The following ACSM2A variants were observed in gnomAD, a reference collection of about 807,000 sequenced individuals.
ACSM2A encodes the protein acyl-coenzyme A synthetase ACSM2A, mitochondrial.
In ACSM2A, 72 loss-of-function variants were observed where a neutral mutation model predicts 76.6. The observed-to-expected ratio is 0.94, with a 90% CI of 0.78 to 1.14. The LOEUF (loss-of-function observed/expected upper bound fraction) is 1.14. Among genes scored for constraint, ACSM2A ranks in the 50% most tolerant of loss-of-function variants. ACSM2A has a pLI of 0.00. For synonymous variants in ACSM2A, 249 were observed against 255.9 expected (o/e 0.97, Z 0.26); for missense variants, 684 against 708.5 (o/e 0.97, Z 0.39).
At chr16:20,481,135 G>C (rs1468627366) in intron 12 of ACSM2A, 1 of 610,834 alleles carries the variant, frequency 1.6e-6, no homozygotes, top group Non-Finnish European at 2.8e-6. Context: ...AGGGTTAAAT[G>C]TGCTAATATT....
intron 4 of ACSM2A, among the ~76,000 whole-genome samples, chr16:20,469,968 G>A (rs2013283695): frequency 6.7e-6 from 1 of 149,458 alleles, no homozygotes; most frequent in African/African-American, 2.5e-5. Flanking sequence ...ATGCCTCCCA[G>A]GATTGTCCTC....
chr16:20,460,083 C>T (rs778837499), intron 1 of ACSM2A, 24 bp from the exon 2 acceptor site: 37 of 1,588,558 alleles, frequency 2.3e-5, no homozygotes, highest in Non-Finnish European at 3.2e-5. Flanking sequence ...AAGCTCTCAC[C>T]TGTGTCTCTT....
chr16:20,481,022 A>G (rs2014053809), intron 12 of ACSM2A, 101 bp downstream of exon 12: 1 of 1,389,734 alleles, frequency 7.2e-7, no homozygotes, highest in Admixed American at 2.1e-5. Flanking sequence ...ACACTCTGAG[A>G]CCCAATCTTG....
In ACSM2A at chr16:20,469,642, A is replaced by C. The variant is rs757938208; in HGVS notation, c.519A>C (p.Glu173Asp). 2.8e-5 allele frequency: 45 copies of C among 1,613,766 alleles called. No individual in the cohort carries two copies. The Admixed American group carries it at 7.5e-4, about 27-fold the overall frequency. ...AAGAAGTGGACACAGTGGCATCTGA[A>C]TGTCCTTCTCTGAGAATTAAGCTAC... The part of the protein sequence containing the change: ...VIQEVDTVAS[E>D]CPSLRIKLLV... The change falls in exon 4 of 14, where the codon GAA becomes GAC. Residue 173 changes from glutamate to aspartate, a missense_variant. Glu to Asp is a conservative substitution (Grantham distance 45, BLOSUM62 2). Transcript: ENST00000573854.
intron 5 of ACSM2A, 61 bp downstream of exon 5, chr16:20,471,277 G>A (rs2013376774): frequency 6.3e-7 from 1 of 1,580,392 alleles, no homozygotes; most frequent in South Asian, 1.2e-5. Flanking sequence ...GAAGGAGAAT[G>A]AGACCCAATT....
chr16:20,466,851 A>T (rs1380666982), intron 3 of ACSM2A, among the ~76,000 whole-genome samples: 1 of 152,140 alleles, frequency 6.6e-6, no homozygotes, highest in South Asian at 2.1e-4. Flanking sequence ...AAATCTTGTG[A>T]CCTCTGGCTC....
Position 20,465,660 on chromosome 16 carries a change from T to C in ACSM2A, c.321T>C (p.Asp107=). 6.2e-7 allele frequency: 1 copy of C among 1,613,970 alleles called. No homozygotes were observed. Among genetic ancestry groups the C allele is most frequent in the Non-Finnish European group, 8.5e-7 (1 of 1,179,856 alleles). Residue 107 remains aspartate, a synonymous_variant, in exon 3 of 14, where the codon GAT becomes GAC. Transcript: ENST00000573854. The stretch of plus-strand genomic sequence containing the variant: ...GAGCCTGTGGCCTGCAGCGTGGGGA[T>C]CGTGTGGCAGTGGTGCTGCCCCGAG... The part of the protein sequence containing the change: ...LSGACGLQRG[D]RVAVVLPRVP...
intron 1 of ACSM2A, among the ~76,000 whole-genome samples, chr16:20,458,531 A>G (rs1347251182): frequency 4.1e-5 from 6 of 145,344 alleles, no homozygotes; most frequent in Non-Finnish European, 9.0e-5. Context: ...TGTGTTATAT[A>G]CAATATAAAT....
chr16:20,463,202 G>A (rs1221628274), intron 2 of ACSM2A, among the ~76,000 whole-genome samples: 3 of 150,786 alleles, frequency 2.0e-5, no homozygotes, highest in African/African-American at 7.3e-5. Flanking sequence ...TGCACGTTGT[G>A]CACATGTACC....
At chr16:20,480,217 A>G (rs1276569645) in intron 10 of ACSM2A, among the ~76,000 whole-genome samples, 1 of 152,202 alleles carries the variant, frequency 6.6e-6, no homozygotes, top group African/African-American at 2.4e-5. Flanking sequence ...AATCAAAATG[A>G]TAGCTTTGAG....
Position 20,465,628 on chromosome 16 carries a change from C to A in ACSM2A, c.289C>A (p.Leu97Ile), listed in dbSNP as rs2012943810. Residue 97 changes from leucine (L) to isoleucine (I), a missense_variant, in exon 3 of 14, where the codon CTC becomes ATC. Coordinates refer to ENST00000573854, the MANE Select transcript of ACSM2A (RefSeq NM_001308172.2). Reference sequence around the variant, plus strand: ...AAACAGCCAGCAGGCAGCCAACGTCCTCTCGGGAGCCTGTGGCCTGCAGCG... The same window carrying A: ...AAACAGCCAGCAGGCAGCCAACGTCATCTCGGGAGCCTGTGGCCTGCAGCG... The part of the protein sequence containing the change: ...SENSQQAANV[L>I]SGACGLQRGD... The A allele has an allele frequency of 6.2e-7, 1 of 1,613,884 alleles. No individual in the cohort carries two copies. Among genetic ancestry groups the A allele is most frequent in the South Asian group, 1.1e-5 (1 of 91,072 alleles).
intron 3 of ACSM2A, among the ~76,000 whole-genome samples, chr16:20,466,083 C>T (rs993627177): frequency 6.6e-6 from 1 of 151,858 alleles, no homozygotes; most frequent in African/African-American, 2.4e-5. Flanking sequence ...GACCTGCAGG[C>T]CAAATCCTGC....
chr16:20,468,045 C>CT (rs576038681), intron 3 of ACSM2A, among the ~76,000 whole-genome samples: 26 of 152,118 alleles, frequency 1.7e-4, no homozygotes, highest in Admixed American at 2.6e-4. Context: ...GAATTAGAAA[C>CT]TATCAGAGGC....
Position 20,486,646 on chromosome 16 carries a change from T to G in ACSM2A, c.1702T>G (p.Trp568Gly). Reference sequence around the variant, plus strand: ...ACGAGCCAAGCTTCGAGACAAGGAGTGGAAGATGTCCGGAAAAGCCCGTGC... The same window carrying G: ...ACGAGCCAAGCTTCGAGACAAGGAGGGGAAGATGTCCGGAAAAGCCCGTGC... Reference protein sequence around the residue: ...IQRAKLRDKEWKMSGKARAQ With the variant: ...IQRAKLRDKEGKMSGKARAQ The change falls in exon 14 of 14, where the codon TGG (tryptophan) becomes GGG (glycine). Residue 568 changes from tryptophan (W) to glycine (G), a missense_variant. By Grantham distance (184) the Trp-to-Gly change is radical (BLOSUM62 -2). Transcript: ENST00000573854. 1 of 1,614,008 alleles carries G rather than the reference T, an allele frequency of 6.2e-7. No homozygotes were observed. Among genetic ancestry groups the G allele is most frequent in the Non-Finnish European group, 8.5e-7 (1 of 1,179,998 alleles).
In ACSM2A at chr16:20,486,900, G is replaced by C. The variant is rs1410598822; in HGVS notation, c.*222G>C. On this transcript the variant is annotated 3_prime_UTR_variant, in exon 14 of 14. Transcript: ENST00000573854. The stretch of plus-strand genomic sequence containing the variant: ...AAAGGAGAGGGTAACAGAAAAAAAG[G>C]AAAGAAAAGTAAGTCAGGGAAATAT... 4.3e-6 allele frequency: 2 copies of C among 469,438 alleles called. No individual in the cohort carries two copies. Among genetic ancestry groups the C allele is most frequent in the Non-Finnish European group, 7.3e-6 (2 of 272,966 alleles). 29.1% of individuals were successfully genotyped at this position (469,438 alleles called of 1,614,324 possible).
intron 3 of ACSM2A, among the ~76,000 whole-genome samples, chr16:20,467,896 C>T (rs1048436739): frequency 6.6e-6 from 1 of 152,018 alleles, no homozygotes; most frequent in Non-Finnish European, 1.5e-5. Flanking sequence ...CCAGCAACCT[C>T]CTTCACAAAC....
At chr16:20,475,867 C>T in intron 8 of ACSM2A, 94 bp downstream of exon 8, 1 of 1,578,332 alleles carries the variant, frequency 6.3e-7, no homozygotes, top group Non-Finnish European at 8.6e-7. Flanking sequence ...ATGTATCATT[C>T]ATCTATTCGA....
intron 6 of ACSM2A, among the ~76,000 whole-genome samples, chr16:20,473,006 C>G (rs551874275): frequency 6.6e-6 from 1 of 152,130 alleles, no homozygotes; most frequent in Admixed American, 6.6e-5. Context: ...CAGACTGCAG[C>G]TATGCATTAT....
intron 2 of ACSM2A, among the ~76,000 whole-genome samples, chr16:20,462,974 C>G (rs1004677326): frequency 4.0e-5 from 6 of 150,582 alleles, no homozygotes; most frequent in Non-Finnish European, 8.9e-5. Context: ...AGCAAACTAT[C>G]GCAAGGACAA....
Sources: allele counts gnomAD v4.1 joint callset (sites outside exome capture counted in the v4.1 genomes callset), GRCh38; gene constraint gnomAD v4.1.1; transcripts MANE v1.5; gene names NCBI Gene and HGNC (gene_info 2026-07-23, HGNC 2026-07-21).